AGAP1: variants seen among roughly 807,000 people sequenced by gnomAD.
AGAP1 encodes the protein ArfGAP with GTPase domain, ankyrin repeat and PH domain 1.
Under a neutral mutation model 105.3 loss-of-function variants are expected in AGAP1, and 29 were observed. That is an observed-to-expected ratio of 0.28 (90% CI 0.21 to 0.38). AGAP1 has a LOEUF of 0.38. Among genes scored for constraint, AGAP1 ranks in the 10% least tolerant of loss-of-function variants. The pLI is 1.00. For synonymous variants in AGAP1, 509 were observed against 485.9 expected (o/e 1.05, Z -0.63); for missense variants, 998 against 1,165.1 (o/e 0.86, Z 2.09).
rs1010746150 is a variant in AGAP1 at position 235,989,212 on chromosome 2, G to A, written c.1645+20589G>A. 6.6e-6 allele frequency among the ~76,000 whole-genome samples: 1 copy of A among 152,190 alleles called. No homozygotes were observed. The highest frequency in any genetic ancestry group is 1.5e-5 in the Non-Finnish European group (1 of 68,038). On this transcript the variant is annotated intron_variant, in intron 13 of 17. Coordinates refer to ENST00000304032, the MANE Select transcript of AGAP1 (RefSeq NM_001037131.3). The surrounding 1 kb of genome is among the most constrained non-coding windows in gnomAD (Gnocchi z 4.4). ...GTGTCTTCCTTCTTCCCTGGAATTA[G>A]ATATTTTTCGTTCAAGCTGCTGACA...
intron 9 of AGAP1, among the ~76,000 whole-genome samples, chr2:235,850,128 G>A (rs527970568): frequency 3.9e-5 from 6 of 152,314 alleles, no homozygotes; most frequent in Non-Finnish European, 8.8e-5. Context: ...TAACAGTGCT[G>A]TGGACAAATT....
At chr2:235,805,195 A>G (rs1450915224) in intron 8 of AGAP1, among the ~76,000 whole-genome samples, 1 of 152,096 alleles carries the variant, frequency 6.6e-6, no homozygotes, top group East Asian at 1.9e-4. Context: ...AGTTGTCAGG[A>G]AATTTTTGTT....
Position 235,777,595 on chromosome 2 carries a change from C to G in AGAP1, c.674-20164C>G, listed in dbSNP as rs1412403512. Reference sequence around the variant, plus strand: ...TAGAGGACGAGTCACAGCTGTCTCACCTGCACCCCTCCAATCGCCTTCTCA... The same window carrying G: ...TAGAGGACGAGTCACAGCTGTCTCAGCTGCACCCCTCCAATCGCCTTCTCA... On this transcript the variant is annotated intron_variant, in intron 6 of 17. Coordinates refer to ENST00000304032, the MANE Select transcript of AGAP1 (RefSeq NM_001037131.3). The surrounding 1 kb of genome is among the most constrained non-coding windows in gnomAD (Gnocchi z 5.1). 6.6e-6 allele frequency among the ~76,000 whole-genome samples: 1 copy of G among 152,212 alleles called. No individual in the cohort carries two copies. Among genetic ancestry groups the G allele is most frequent in the Non-Finnish European group, 1.5e-5 (1 of 68,026 alleles).
At chr2:235,682,825 G>C (rs2149404341) in intron 1 of AGAP1, among the ~76,000 whole-genome samples, 1 of 80,146 alleles carries the variant, frequency 1.2e-5, no homozygotes, top group African/African-American at 8.2e-5. Context: ...TGTGTTTTCA[G>C]GCAGCACGAG....
chr2:235,616,947 C>G (rs1488596831), intron 1 of AGAP1, among the ~76,000 whole-genome samples: 1 of 145,684 alleles, frequency 6.9e-6, no homozygotes, highest in Non-Finnish European at 1.5e-5. Context: ...AAACGTGCAT[C>G]TTTAAATTTT....
rs971149629 is a variant in AGAP1 at position 236,051,261 on chromosome 2, A to G, written c.2114+1980A>G. Among the ~76,000 whole-genome samples, 1 of 152,170 alleles carries G rather than the reference A, an allele frequency of 6.6e-6. No individual in the cohort carries two copies. Among genetic ancestry groups the G allele is most frequent in the Non-Finnish European group, 1.5e-5 (1 of 68,042 alleles). On this transcript the variant is annotated intron_variant, in intron 16 of 17. Coordinates refer to ENST00000304032, the MANE Select transcript of AGAP1 (RefSeq NM_001037131.3). This position sits in a 1 kb window ranked among gnomAD's most constrained non-coding sequence, Gnocchi z 5.9. ...TGAATATTTCTTTGTGCCTGTAGTAATTTTCCTGGGGAGTTTTGTTTTCAG... is the reference window on the plus strand; with the variant it reads ...TGAATATTTCTTTGTGCCTGTAGTAGTTTTCCTGGGGAGTTTTGTTTTCAG...
chr2:235,945,699 C>T (rs991096345), intron 12 of AGAP1, among the ~76,000 whole-genome samples: 6 of 151,904 alleles, frequency 3.9e-5, no homozygotes, highest in Non-Finnish European at 5.9e-5. Context: ...TGTATGAATC[C>T]GTTCTCACAC....
chr2:235,795,141 C>T (rs1429107016), intron 6 of AGAP1, among the ~76,000 whole-genome samples: 1 of 152,160 alleles, frequency 6.6e-6, no homozygotes, highest in Non-Finnish European at 1.5e-5. Context: ...GGTTCCTCCA[C>T]TCACATAGAC....
intron 1 of AGAP1, among the ~76,000 whole-genome samples, chr2:235,541,218 G>C (rs1943422576): frequency 6.6e-6 from 1 of 152,016 alleles, no homozygotes; most frequent in Admixed American, 6.6e-5. Flanking sequence ...TACAGATTAA[G>C]GGATAATAAA....
chr2:235,782,433 T>C (rs762929526), intron 6 of AGAP1, among the ~76,000 whole-genome samples: 4 of 152,256 alleles, frequency 2.6e-5, no homozygotes, highest in Non-Finnish European at 5.9e-5. Flanking sequence ...ATTTGCCTTT[T>C]ACTTACATAT....
chr2:235,780,902 G>GA (rs1168812900), intron 6 of AGAP1, among the ~76,000 whole-genome samples: 6 of 151,890 alleles, frequency 4.0e-5, no homozygotes, highest in East Asian at 1.9e-4. Context: ...ATAAGTGTGG[G>GA]AAAAAAAATT....
rs1474034391 is a variant in AGAP1 at position 235,887,444 on chromosome 2, A to G, written c.1155+3995A>G. 6.6e-6 allele frequency among the ~76,000 whole-genome samples: 1 copy of G among 152,174 alleles called. No individual in the cohort carries two copies. Among genetic ancestry groups the G allele is most frequent in the Non-Finnish European group, 1.5e-5 (1 of 68,032 alleles). ...CCATGTCCAGCCTCTGTAGACCTAT[A>G]TCAAGTCATTAAAAGTAGATGTTAA... On this transcript the variant is annotated intron_variant, in intron 10 of 17. Coordinates refer to ENST00000304032, the MANE Select transcript of AGAP1 (RefSeq NM_001037131.3). The surrounding 1 kb of genome is among the most constrained non-coding windows in gnomAD (Gnocchi z 4.1).
intron 1 of AGAP1, among the ~76,000 whole-genome samples, chr2:235,619,343 G>A (rs1426866268): frequency 6.6e-6 from 1 of 151,730 alleles, no homozygotes; most frequent in Non-Finnish European, 1.5e-5. Flanking sequence ...TCAAACCTGG[G>A]GCTGAAGTGG....
chr2:236,104,247 C>T lies in AGAP1; in HGVS notation c.2115-15945C>T, dbSNP rs2059429866. On this transcript the variant is annotated intron_variant, in intron 16 of 17. Transcript: ENST00000304032. This position sits in a 1 kb window ranked among gnomAD's most constrained non-coding sequence, Gnocchi z 4.7. ...CCTGTTGGCTGCTGTGAGAGATACG[C>T]CACCAGGCCAGGCTGACATGGGCAG... 6.6e-6 allele frequency among the ~76,000 whole-genome samples: 1 copy of T among 152,216 alleles called. No homozygotes were observed. The highest frequency in any genetic ancestry group is 2.4e-5 in the African/African-American group (1 of 41,466).
Position 235,992,119 on chromosome 2 carries a change from A to G in AGAP1, c.1645+23496A>G, listed in dbSNP as rs1424384672. The stretch of plus-strand genomic sequence containing the variant: ...TGATGGTGGCCATCACGAGACCCAG[A>G]TAACAGGAGTGGTTAGAAGCGCAGC... On this transcript the variant is annotated intron_variant, in intron 13 of 17. Coordinates refer to ENST00000304032, the MANE Select transcript of AGAP1 (RefSeq NM_001037131.3). The surrounding 1 kb of genome is among the most constrained non-coding windows in gnomAD (Gnocchi z 4.8). 3.9e-5 allele frequency among the ~76,000 whole-genome samples: 6 copies of G among 152,300 alleles called. No individual in the cohort carries two copies. The highest frequency in any genetic ancestry group is 1.2e-4 in the African/African-American group (5 of 41,570).
chr2:235,775,514 A>T (rs1175620002), intron 6 of AGAP1: 2 of 152,216 alleles, frequency 1.3e-5, no homozygotes, highest in African/African-American at 4.8e-5. Flanking sequence ...AAAAAGAAAA[A>T]TAAATGTACT....
rs1300353059 is a variant in AGAP1, at chr2:236,051,375, C to T, written c.2114+2094C>T. On this transcript the variant is annotated intron_variant, in intron 16 of 17. Coordinates refer to ENST00000304032, the MANE Select transcript of AGAP1 (RefSeq NM_001037131.3). The surrounding 1 kb of genome is among the most constrained non-coding windows in gnomAD (Gnocchi z 5.9). ...AGTTCCCTGGTGATTGGTGAAGGCT[C>T]TCAGGGCTGCCTGAGGATGCCAGGG... is the stretch of plus-strand genomic sequence containing the variant. Among the ~76,000 whole-genome samples, 6 of 152,208 alleles carry T rather than the reference C, an allele frequency of 3.9e-5. No homozygotes were observed. Among genetic ancestry groups the T allele is most frequent in the Non-Finnish European group, 8.8e-5 (6 of 68,038 alleles).
chr2:236,098,620 C>CTTTTTTTTTT lies in AGAP1; in HGVS notation c.2115-21562_2115-21553dup, dbSNP rs34419216. Among the ~76,000 whole-genome samples the CTTTTTTTTTT allele has an allele frequency of 2.5e-4, 29 of 115,228 alleles. 2 individuals carry two copies. The highest frequency in any genetic ancestry group is 9.3e-4 in the African/African-American group (24 of 25,784). The allele number at this position is 115,228 out of a possible 152,430, so 75.6% of individuals were successfully genotyped here. On this transcript the variant is annotated intron_variant, in intron 16 of 17. Transcript: ENST00000304032. Reference sequence around the variant, plus strand: ...GCTGACTTGATGAAATCTTTTTTTCCTTTTTTTTTTTTTTTTTTTAGAGAA... The same window carrying CTTTTTTTTTT: ...GCTGACTTGATGAAATCTTTTTTTCCTTTTTTTTTTTTTTTTTTTTTTTTTTTTTAGAGAA...
chr2:235,559,153 C>T lies in AGAP1; in HGVS notation c.163+64304C>T, dbSNP rs973165211. Among the ~76,000 whole-genome samples, 1 of 152,180 alleles carries T rather than the reference C, an allele frequency of 6.6e-6. No individual in the cohort carries two copies. Among genetic ancestry groups the T allele is most frequent in the Non-Finnish European group, 1.5e-5 (1 of 68,032 alleles). On this transcript the variant is annotated intron_variant, in intron 1 of 17. Coordinates refer to ENST00000304032, the MANE Select transcript of AGAP1 (RefSeq NM_001037131.3). The surrounding 1 kb of genome is among the most constrained non-coding windows in gnomAD (Gnocchi z 5.7). ...TGTTGCCCAGGCTGGTCTTGAACTC[C>T]TGGGCTTAAGTGATCCTCGCACCTC...
Sources: gnomAD v4.1 joint callset for allele counts (sites outside exome capture counted in the v4.1 genomes callset) on GRCh38, gnomAD v4.1.1 for gene constraint, Gnocchi (gnomAD v3.1) non-coding constraint, MANE v1.5 for transcripts, NCBI Gene and HGNC (gene_info 2026-07-23, HGNC 2026-07-21) for gene names.